The following DENND1A variants were observed in gnomAD, a reference collection of about 807,000 sequenced individuals.
DENND1A encodes the protein DENN domain containing 1A, also known as DENN domain-containing protein 1A.
A neutral mutation model predicts 113.7 loss-of-function variants in DENND1A; 51 were observed. The observed-to-expected ratio is 0.45, with a 90% CI of 0.36 to 0.57. DENND1A has a LOEUF of 0.57. DENND1A is among the 20% of genes least tolerant of loss of function. DENND1A has a pLI of 0.00. For missense variants in DENND1A, 1,258 were observed against 1,395.9 expected (o/e 0.90, Z 1.57); for synonymous variants, 565 against 570.8 (o/e 0.99, Z 0.14).
intron 11 of DENND1A, among the ~76,000 whole-genome samples, chr9:123,598,910 G>C (rs1286816989): frequency 6.6e-6 from 1 of 152,168 alleles, no homozygotes; most frequent in African/African-American, 2.4e-5. Flanking sequence ...AAGTGTCCAG[G>C]AGTCTAGGCA....
chr9:123,676,842 T>C (rs2064108778), intron 5 of DENND1A, 53 bp from the exon 6 acceptor site: 2 of 1,537,388 alleles, frequency 1.3e-6, no homozygotes, highest in Non-Finnish European at 1.8e-6. Context: ...TCAAAAACTT[T>C]AACCAGGATC....
chr9:123,635,624 AAAT>A (rs1332905062), intron 9 of DENND1A, among the ~76,000 whole-genome samples: 2 of 152,238 alleles, frequency 1.3e-5, no homozygotes, highest in Non-Finnish European at 2.9e-5. Flanking sequence ...CAATGACAGA[AAAT>A]AATCATTTTT....
chr9:123,475,477 CTG>C (rs759791964), intron 13 of DENND1A, among the ~76,000 whole-genome samples: 3 of 152,240 alleles, frequency 2.0e-5, no homozygotes, highest in Non-Finnish European at 4.4e-5. Flanking sequence ...AGATGCCACA[CTG>C]TGTCGAGGGA....
intron 13 of DENND1A, among the ~76,000 whole-genome samples, chr9:123,551,904 T>C (rs747948249): frequency 6.6e-6 from 1 of 151,772 alleles, no homozygotes; most frequent in Admixed American, 6.6e-5. Context: ...CCTTCCTTCT[T>C]CCTTCTGGAT....
chr9:123,547,934 C>T (rs1446013317), intron 13 of DENND1A, among the ~76,000 whole-genome samples: 1 of 152,198 alleles, frequency 6.6e-6, no homozygotes, highest in African/African-American at 2.4e-5. Flanking sequence ...AGGCACTATG[C>T]TGGTGTTTGG....
chr9:123,522,638 C>T (rs776195223), intron 13 of DENND1A, among the ~76,000 whole-genome samples: 2 of 152,188 alleles, frequency 1.3e-5, no homozygotes, highest in Non-Finnish European at 2.9e-5. Flanking sequence ...AAGTGGGTGA[C>T]CAGATGCCCA....
intron 5 of DENND1A, among the ~76,000 whole-genome samples, chr9:123,738,484 GTGA>G (rs540919021): frequency 1.3e-3 from 155 of 118,510 alleles, no homozygotes; most frequent in Middle Eastern, 4.2e-3. Context: ...TGTGTGTGTA[GTGA>G]TGTTTTTGTT....
At chr9:123,919,219 C>T (rs1163798227) in intron 1 of DENND1A, among the ~76,000 whole-genome samples, 1 of 151,928 alleles carries the variant, frequency 6.6e-6, no homozygotes, top group African/African-American at 2.4e-5. Flanking sequence ...TGCCTGTAAT[C>T]CCAGCACTTT....
At chr9:123,603,585 C>T (rs529790815) in intron 11 of DENND1A, among the ~76,000 whole-genome samples, 25 of 152,336 alleles carry the variant, frequency 1.6e-4, no homozygotes, top group African/African-American at 4.1e-4. Context: ...ACCCATCACA[C>T]GCCTCTTGAA....
rs1305369242 is a variant in DENND1A at position 123,568,295 on chromosome 9, T to C, written c.868-10600A>G. ...CTCTAGGCAAGTTACTTGGCCCCTT[T>C]TCTTCATCTATAAAAAGGGGATAAA... On this transcript the variant is annotated intron_variant, in intron 12 of 23. Transcript: ENST00000394215. Among the ~76,000 whole-genome samples the C allele has an allele frequency of 2.0e-5, 3 of 152,208 alleles. No homozygotes were observed. The East Asian group carries it at 5.8e-4, about 29-fold the overall frequency.
At chr9:123,550,222 C>T (rs1056320308) in intron 13 of DENND1A, among the ~76,000 whole-genome samples, 6 of 152,232 alleles carry the variant, frequency 3.9e-5, no homozygotes, top group African/African-American at 1.4e-4. Context: ...TTGGGATGAA[C>T]TAAGCAAGTG....
chr9:123,735,160 TC>T (rs1386329346), intron 5 of DENND1A, among the ~76,000 whole-genome samples: 1 of 152,042 alleles, frequency 6.6e-6, no homozygotes, highest in Non-Finnish European at 1.5e-5. Context: ...TCAGTGAACT[TC>T]CCAATATTAA....
intron 5 of DENND1A, among the ~76,000 whole-genome samples, chr9:123,711,481 T>TAA (rs1233510468): frequency 0.023 from 1,986 of 87,774 alleles, 13 homozygotes; most frequent in South Asian, 0.046. Flanking sequence ...AATAATAAAT[T>TAA]AAAAAATATA....
chr9:123,401,484 C>T (rs1415779509), intron 21 of DENND1A: 29 of 1,188,116 alleles, frequency 2.4e-5, no homozygotes, highest in Non-Finnish European at 2.9e-5. Flanking sequence ...TGTCCTGAAA[C>T]GTACCCCTCT....
chr9:123,889,971 C>T (rs1452231593), intron 1 of DENND1A, among the ~76,000 whole-genome samples: 1 of 151,662 alleles, frequency 6.6e-6, no homozygotes, highest in Admixed American at 6.6e-5. Context: ...GAAACTCCAT[C>T]TTCGGGAAAA....
intron 2 of DENND1A, among the ~76,000 whole-genome samples, chr9:123,818,179 A>G (rs985135865): frequency 6.6e-6 from 1 of 151,800 alleles, no homozygotes; most frequent in Non-Finnish European, 1.5e-5. Flanking sequence ...ATCTCGGCTC[A>G]CTGCAAGCTC....
chr9:123,752,692 T>C (rs958418970), intron 5 of DENND1A, among the ~76,000 whole-genome samples: 7 of 152,238 alleles, frequency 4.6e-5, no homozygotes, highest in African/African-American at 1.7e-4. Context: ...ATGGAGTATG[T>C]GCCATTGGGG....
At chr9:123,582,270 G>A (rs926536924) in intron 12 of DENND1A, among the ~76,000 whole-genome samples, 2 of 152,232 alleles carry the variant, frequency 1.3e-5, no homozygotes, top group Non-Finnish European at 2.9e-5. Context: ...GTGGCAGCGT[G>A]CTGGGGAGAG....
chr9:123,506,812 G>T (rs1434635803), intron 13 of DENND1A, among the ~76,000 whole-genome samples: 1 of 152,100 alleles, frequency 6.6e-6, no homozygotes, highest in African/African-American at 2.4e-5. Flanking sequence ...CCCACCAAAA[G>T]ATGTTGCTTT....
Sources: allele counts gnomAD v4.1 joint callset (sites outside exome capture counted in the v4.1 genomes callset), GRCh38; gene constraint gnomAD v4.1.1; transcripts MANE v1.5; gene names NCBI Gene and HGNC (gene_info 2026-07-23, HGNC 2026-07-21).